PLXNA4: variants seen among roughly 807,000 people sequenced by gnomAD.
PLXNA4 encodes plexin A4.
A neutral mutation model predicts 191.8 loss-of-function variants in PLXNA4; 44 were observed. That is an observed-to-expected ratio of 0.23 (90% CI 0.18 to 0.29). The LOEUF (loss-of-function observed/expected upper bound fraction) is 0.29, where lower values mean the gene tolerates loss of function less well. Ranked by LOEUF, PLXNA4 falls within the 10% of genes least tolerant of loss-of-function variation. The pLI, the probability that PLXNA4 is intolerant of heterozygous loss-of-function variation, is 1.00. For missense variants in PLXNA4, 1,800 were observed against 2,488.8 expected (o/e 0.72, Z 5.89); for synonymous variants, 1,082 against 1,009.5 (o/e 1.07, Z -1.36).
At chr7:132,507,424 T>C in intron 2 of PLXNA4, 82 bp downstream of exon 2, 2 of 1,424,416 alleles carry the variant, frequency 1.4e-6, no homozygotes, top group Non-Finnish European at 9.4e-7. Flanking sequence ...GGAAGGATGA[T>C]ACACATCCCA....
At chr7:132,144,454 G>A (rs1795361270) in intron 29 of PLXNA4, among the ~76,000 whole-genome samples, 1 of 152,202 alleles carries the variant, frequency 6.6e-6, no homozygotes, top group African/African-American at 2.4e-5. Context: ...AGTACTTGGA[G>A]AATCCTGTTG....
intron 11 of PLXNA4, 41 bp from the exon 12 acceptor site, chr7:132,202,877 G>A (rs1439252577): frequency 4.7e-6 from 7 of 1,485,008 alleles, no homozygotes; most frequent in Non-Finnish European, 6.3e-6. Context: ...GCTTGGGAAT[G>A]GCAGTGGGGA....
At chr7:132,204,357 C>T (rs1444442981) in intron 10 of PLXNA4, among the ~76,000 whole-genome samples, 1 of 152,200 alleles carries the variant, frequency 6.6e-6, no homozygotes, top group African/African-American at 2.4e-5. Context: ...AGAGCCCACC[C>T]TGGGCAGCAA....
intron 1 of PLXNA4, among the ~76,000 whole-genome samples, chr7:132,568,219 C>T (rs1017664431): frequency 1.3e-5 from 2 of 152,180 alleles, no homozygotes; most frequent in African/African-American, 2.4e-5. Flanking sequence ...TGGCAGAGGT[C>T]ATTACGACCT....
chr7:132,629,390 T>C (rs1803448480), intron 2 of PLXNA4, among the ~76,000 whole-genome samples: 1 of 152,220 alleles, frequency 6.6e-6, no homozygotes, highest in South Asian at 2.1e-4. Context: ...AAAGGGCATC[T>C]GGTAGGTCCT....
chr7:132,217,861 T>C (rs1248266605), intron 9 of PLXNA4, among the ~76,000 whole-genome samples: 1 of 133,566 alleles, frequency 7.5e-6, no homozygotes, highest in Non-Finnish European at 1.6e-5. Context: ...GTGGGGGTGG[T>C]GCATGGGTGG....
At chr7:132,562,747 CCTT>C (rs1213736709) in intron 1 of PLXNA4, among the ~76,000 whole-genome samples, 2 of 127,900 alleles carry the variant, frequency 1.6e-5, no homozygotes, top group African/African-American at 3.3e-5. Context: ...TTCTCCTCCT[CCTT>C]CTCCTCCTCC....
intron 4 of PLXNA4, among the ~76,000 whole-genome samples, chr7:132,243,983 T>C (rs538725086): frequency 7.9e-4 from 120 of 152,276 alleles, no homozygotes; most frequent in African/African-American, 2.3e-3. Context: ...CTCCACACTT[T>C]GGATGAAACC....
At chr7:132,420,623 G>GTTAAGTGTTTT (rs1563088782) in intron 3 of PLXNA4, among the ~76,000 whole-genome samples, 1 of 152,192 alleles carries the variant, frequency 6.6e-6, no homozygotes, top group Admixed American at 6.5e-5. Context: ...TAAGTGTAGA[G>GTTAAGTGTTTT]TTAAGTGGTG....
chr7:132,500,811 G>A (rs919320549), intron 2 of PLXNA4, among the ~76,000 whole-genome samples: 1 of 152,098 alleles, frequency 6.6e-6, no homozygotes, highest in Non-Finnish European at 1.5e-5. Context: ...TTTATTAAAA[G>A]GATACTTTTT....
chr7:132,431,741 G>A lies in PLXNA4; in HGVS notation c.1371+57551C>T, dbSNP rs566689650. Among the ~76,000 whole-genome samples the A allele has an allele frequency of 2.0e-5, 3 of 152,312 alleles. No homozygotes were observed. The South Asian group carries it at 6.2e-4, about 32-fold the overall frequency. On this transcript the variant is annotated intron_variant, in intron 3 of 31. Coordinates refer to ENST00000321063, the MANE Select transcript of PLXNA4 (RefSeq NM_020911.2). ...ACAGGCCCTGCATCCAGGCAGCCATGAGCTCTGGTCTTGGCCTCAGCGCTC... is the reference window on the plus strand; with the variant it reads ...ACAGGCCCTGCATCCAGGCAGCCATAAGCTCTGGTCTTGGCCTCAGCGCTC...
chr7:132,259,541 G>A (rs987481005), intron 4 of PLXNA4, among the ~76,000 whole-genome samples: 16 of 150,500 alleles, frequency 1.1e-4, no homozygotes, highest in Middle Eastern at 3.6e-3. Context: ...TCCAGGGCTC[G>A]GTACCTGTGG....
intron 2 of PLXNA4, among the ~76,000 whole-genome samples, chr7:132,594,749 A>C (rs1802666439): frequency 6.6e-6 from 1 of 152,130 alleles, no homozygotes; most frequent in Non-Finnish European, 1.5e-5. Context: ...GGATAGGCTG[A>C]TCCCTTGATG....
intron 2 of PLXNA4, among the ~76,000 whole-genome samples, chr7:132,584,806 C>T (rs568955340): frequency 5.9e-5 from 9 of 152,274 alleles, no homozygotes; most frequent in South Asian, 2.1e-4. Flanking sequence ...GCAAGTACTA[C>T]GTTCTCCATT....
At chr7:132,341,360 G>A (rs1012460506) in intron 3 of PLXNA4, among the ~76,000 whole-genome samples, 2 of 152,100 alleles carry the variant, frequency 1.3e-5, no homozygotes, top group East Asian at 1.9e-4. Flanking sequence ...AAAAAAGGCC[G>A]GCAATTAACT....
upstream of PLXNA4, chr7:132,576,713 C>A (rs1585380182): frequency 7.7e-6 from 4 of 517,730 alleles, no homozygotes; most frequent in Middle Eastern, 1.0e-3. This position sits in a 1 kb window ranked among gnomAD's most constrained non-coding sequence, Gnocchi z 5.8. Context: ...GGATCGATTC[C>A]GAACACCCCT....
Position 132,123,866 on chromosome 7 carries a change from G to C in PLXNA4, c.*6613C>G, listed in dbSNP as rs372600198. 6.6e-6 allele frequency: 1 copy of C among 152,328 alleles called. No homozygotes were observed. Among genetic ancestry groups the C allele is most frequent in the Non-Finnish European group, 1.5e-5 (1 of 68,146 alleles). The allele number at this position is 152,328 out of a possible 1,614,324, so 9.4% of individuals were successfully genotyped here. A position where few individuals can be genotyped will look rare whatever the true frequency, so the allele number is the denominator to read the frequency against. On this transcript the variant is annotated 3_prime_UTR_variant, in exon 32 of 32. Coordinates refer to ENST00000321063, the MANE Select transcript of PLXNA4 (RefSeq NM_020911.2). Reference sequence around the variant, plus strand: ...TTTCTCCCCTTCTCTAGCATTTGAAGCTCAACTCTGGGTCCTCTGGCTGGG... The same window carrying C: ...TTTCTCCCCTTCTCTAGCATTTGAACCTCAACTCTGGGTCCTCTGGCTGGG...
At chr7:132,630,605 A>G (rs1803474995) in intron 2 of PLXNA4, among the ~76,000 whole-genome samples, 1 of 151,958 alleles carries the variant, frequency 6.6e-6, no homozygotes, top group Non-Finnish European at 1.5e-5. Flanking sequence ...TCCACCGCCC[A>G]GGTTCACGCC....
At chr7:132,160,106 CCTT>C (rs1213554318) in intron 24 of PLXNA4, among the ~76,000 whole-genome samples, 5 of 152,160 alleles carry the variant, frequency 3.3e-5, no homozygotes, top group Non-Finnish European at 7.3e-5. Context: ...TCTTGTCACT[CCTT>C]CTTGGACACA....
Sources: allele counts gnomAD v4.1 joint callset (sites outside exome capture counted in the v4.1 genomes callset), GRCh38; gene constraint gnomAD v4.1.1; non-coding constraint Gnocchi (gnomAD v3.1); transcripts MANE v1.5; gene names NCBI Gene and HGNC (gene_info 2026-07-23, HGNC 2026-07-21).